GUCA1C: variants seen among roughly 807,000 people sequenced by gnomAD.
GUCA1C encodes the protein guanylate cyclase activator 1C.
GUCA1C carries 15 observed loss-of-function variants against 16.2 expected under a neutral mutation model. That is an observed-to-expected ratio of 0.93 (90% CI 0.62 to 1.43). The LOEUF (loss-of-function observed/expected upper bound fraction) is 1.43. Ranked by LOEUF, GUCA1C falls within the 40% of genes most tolerant of loss-of-function variation. The pLI, the probability that GUCA1C is intolerant of heterozygous loss-of-function variation, is 0.00. For missense variants in GUCA1C, 275 were observed against 244.8 expected (o/e 1.12, Z -0.82); for synonymous variants, 78 against 85.4 (o/e 0.91, Z 0.48).
At chr3:108,911,860 CT>C (rs1188122542) in intron 3 of GUCA1C, among the ~76,000 whole-genome samples, 2 of 152,080 alleles carry the variant, frequency 1.3e-5, no homozygotes, top group African/African-American at 4.8e-5. Flanking sequence ...AATCCCTGAA[CT>C]TTGGGAGGCC....
At chr3:108,939,958 T>C (rs1946769315) in intron 1 of GUCA1C, among the ~76,000 whole-genome samples, 1 of 152,228 alleles carries the variant, frequency 6.6e-6, no homozygotes, top group Admixed American at 6.5e-5. Context: ...ACAATTTCAA[T>C]AGATTCTGTT....
At chr3:108,933,995 C>T (rs989641828) in intron 1 of GUCA1C, among the ~76,000 whole-genome samples, 2 of 152,156 alleles carry the variant, frequency 1.3e-5, no homozygotes, top group African/African-American at 4.8e-5. Context: ...GAATACTATA[C>T]AGCCATAAAA....
chr3:108,953,774 G>A lies in GUCA1C; in HGVS notation c.-12C>T. On this transcript the variant is annotated 5_prime_UTR_variant, in exon 1 of 4. Transcript: ENST00000261047. Reference sequence around the variant, plus strand: ...TTGCCATTCCCCATCTTGACTCACAGTCTACAGCTTTTCCTCAGGTTGTTT... The same window carrying A: ...TTGCCATTCCCCATCTTGACTCACAATCTACAGCTTTTCCTCAGGTTGTTT... The A allele has an allele frequency of 6.3e-7, 1 of 1,597,296 alleles. No homozygotes were observed.
intron 1 of GUCA1C, among the ~76,000 whole-genome samples, chr3:108,925,733 C>T (rs868761832): frequency 8.5e-5 from 13 of 152,218 alleles, no homozygotes; most frequent in Admixed American, 3.9e-4. Context: ...TAAAGTCCTC[C>T]GCTATTATTG....
chr3:108,911,055 G>A (rs915429695), intron 3 of GUCA1C, among the ~76,000 whole-genome samples: 2 of 152,250 alleles, frequency 1.3e-5, no homozygotes, highest in East Asian at 1.9e-4. Flanking sequence ...GCTATTTGTT[G>A]TATTGGTGGG....
intron 1 of GUCA1C, among the ~76,000 whole-genome samples, chr3:108,952,121 G>C (rs1946901214): frequency 6.6e-6 from 1 of 152,208 alleles, no homozygotes; most frequent in South Asian, 2.1e-4. Context: ...TAGAGCAACA[G>C]ACTTTCATCC....
intron 1 of GUCA1C, among the ~76,000 whole-genome samples, chr3:108,939,054 C>CA (rs1211089787): frequency 3.0e-4 from 45 of 152,184 alleles, no homozygotes; most frequent in African/African-American, 1.0e-3. Flanking sequence ...GTCACAGTAG[C>CA]CTTTTGCAAG....
At chr3:108,914,414 C>T (rs1009578978) in intron 3 of GUCA1C, among the ~76,000 whole-genome samples, 2 of 152,220 alleles carry the variant, frequency 1.3e-5, no homozygotes, top group African/African-American at 4.8e-5. Context: ...AATACACTAT[C>T]TGTGTCCTCA....
intron 3 of GUCA1C, among the ~76,000 whole-genome samples, chr3:108,912,711 C>CA (rs10664351): frequency 0.21 from 29,615 of 143,428 alleles, 3,165 homozygotes; most frequent in African/African-American, 0.26. Context: ...TTGTTAATTT[C>CA]AAAAAAAAAA....
At chr3:108,954,715 A>G (rs1576561060), upstream of GUCA1C, among the ~76,000 whole-genome samples, 1 of 147,414 alleles carries the variant, frequency 6.8e-6, no homozygotes, top group Non-Finnish European at 1.5e-5. Flanking sequence ...TAATTCTGTT[A>G]CCCCTAAATT....
At position 108,953,724 on chromosome 3, in the gene GUCA1C, T is replaced by C; in HGVS notation, c.39A>G (p.Ala13=). The change falls in exon 1 of 4, where the codon GCA becomes GCG. Residue 13 remains alanine (A), a synonymous_variant. Transcript: ENST00000261047. ...ACACATGGGTCTCTTGTGTAGGAAC[T>C]GCTTTCTGATCACCAGCTATAGATT... The part of the protein sequence containing the change: ...NGKSIAGDQK[A]VPTQETHVWY... 1 of 1,613,356 alleles carries C rather than the reference T, an allele frequency of 6.2e-7. No individual in the cohort carries two copies. Among genetic ancestry groups the C allele is most frequent in the Non-Finnish European group, 8.5e-7 (1 of 1,179,290 alleles).
At chr3:108,939,381 G>A (rs1946763076) in intron 1 of GUCA1C, among the ~76,000 whole-genome samples, 1 of 119,956 alleles carries the variant, frequency 8.3e-6, no homozygotes, top group Admixed American at 1.0e-4. Flanking sequence ...ACCCAGGTGG[G>A]AGTGCAGTGG....
intron 2 of GUCA1C, among the ~76,000 whole-genome samples, chr3:108,918,292 C>T (rs375592584): frequency 6.6e-6 from 1 of 152,190 alleles, no homozygotes; most frequent in Admixed American, 6.5e-5. Flanking sequence ...TTCTTCACCT[C>T]TTCCAGTGGC....
intron 1 of GUCA1C, among the ~76,000 whole-genome samples, chr3:108,928,405 T>G (rs576227665): frequency 2.6e-5 from 4 of 152,264 alleles, no homozygotes; most frequent in Non-Finnish European, 5.9e-5. Context: ...TGTCTTTTCA[T>G]TCTCTGACAA....
At chr3:108,948,330 C>T (rs1225137830) in intron 1 of GUCA1C, among the ~76,000 whole-genome samples, 1 of 152,120 alleles carries the variant, frequency 6.6e-6, no homozygotes. Context: ...CTCTCTCCCG[C>T]CACCATGTAA....
chr3:108,912,103 C>CAATAATAATAAATAATAATAATAAT (rs1553732654), intron 3 of GUCA1C, among the ~76,000 whole-genome samples: 3 of 125,700 alleles, frequency 2.4e-5, no homozygotes, highest in Non-Finnish European at 5.3e-5. Flanking sequence ...GACTCCGTCT[C>CAATAATAATAAATAATAATAATAAT]AATAATAATA....
intron 1 of GUCA1C, among the ~76,000 whole-genome samples, chr3:108,943,736 C>T (rs1478437948): frequency 6.6e-6 from 1 of 152,082 alleles, no homozygotes; most frequent in Non-Finnish European, 1.5e-5. Flanking sequence ...ACCAGATACA[C>T]AAATAAGAAA....
At chr3:108,941,678 T>G (rs1946786483) in intron 1 of GUCA1C, among the ~76,000 whole-genome samples, 1 of 152,184 alleles carries the variant, frequency 6.6e-6, no homozygotes, top group African/African-American at 2.4e-5. Flanking sequence ...TCTATTTGGA[T>G]AAAACCCAGA....
At chr3:108,940,273 T>C (rs1946772778) in intron 1 of GUCA1C, among the ~76,000 whole-genome samples, 1 of 152,242 alleles carries the variant, frequency 6.6e-6, no homozygotes, top group South Asian at 2.1e-4. Context: ...AAACCGTTAA[T>C]TGTGGTCACC....
Sources: gnomAD v4.1 joint callset for allele counts (sites outside exome capture counted in the v4.1 genomes callset) on GRCh38, gnomAD v4.1.1 for gene constraint, MANE v1.5 for transcripts, NCBI Gene and HGNC (gene_info 2026-07-23, HGNC 2026-07-21) for gene names.